Variants in CSMD2 observed in about 807,000 individuals in gnomAD.
CSMD2 encodes the protein CUB and Sushi multiple domains 2.
CSMD2 carries 130 observed loss-of-function variants against 398.5 expected under a neutral mutation model. The observed-to-expected ratio is 0.33, with a 90% CI of 0.28 to 0.38. The LOEUF is 0.38. Among genes scored for constraint, CSMD2 ranks in the 10% least tolerant of loss-of-function variants. CSMD2 has a pLI of 1.00. For synonymous variants in CSMD2, 1,828 were observed against 1,908.5 expected (o/e 0.96, Z 1.10); for missense variants, 3,829 against 4,764.9 (o/e 0.80, Z 5.78).
At chr1:33,867,885 C>G (rs1640154645) in intron 5 of CSMD2, among the ~76,000 whole-genome samples, 1 of 152,194 alleles carries the variant, frequency 6.6e-6, no homozygotes, top group African/African-American at 2.4e-5. Context: ...GGCCCCAGCT[C>G]TCATGCCACC....
chr1:34,159,860 CA>C (rs928374062), intron 1 of CSMD2, among the ~76,000 whole-genome samples: 7 of 152,320 alleles, frequency 4.6e-5, no homozygotes, highest in East Asian at 1.9e-4. Context: ...CCTTTGGCCC[CA>C]GCTTCTATTT....
At chr1:33,908,019 G>A (rs982585462) in intron 5 of CSMD2, among the ~76,000 whole-genome samples, 1 of 150,154 alleles carries the variant, frequency 6.7e-6, no homozygotes, top group Non-Finnish European at 1.5e-5. Context: ...CCTGGGAGGT[G>A]GAGGCTGCAG....
rs1433979186 is a variant in CSMD2, at chr1:33,830,642, C to T, written c.1034-4868G>A. Among the ~76,000 whole-genome samples, 14 of 152,180 alleles carry T rather than the reference C, an allele frequency of 9.2e-5. No individual in the cohort carries two copies. In the East Asian group the frequency reaches 9.6e-4, roughly 10 times the overall value. ...AAGGAACGCAGTTCCTCACCAGCAACGGAACAAAGCTGGATGGAGAATGAC... is the reference window on the plus strand; with the variant it reads ...AAGGAACGCAGTTCCTCACCAGCAATGGAACAAAGCTGGATGGAGAATGAC... On this transcript the variant is annotated intron_variant, in intron 6 of 70. Coordinates refer to ENST00000373381, the MANE Select transcript of CSMD2 (RefSeq NM_001281956.2).
rs77219276 is a variant in CSMD2, at chr1:33,934,524, C to G, written c.712+1236G>C. On this transcript the variant is annotated intron_variant, in intron 4 of 70. Coordinates refer to ENST00000373381, the MANE Select transcript of CSMD2 (RefSeq NM_001281956.2). ...CAGTGTGATGTGATTGATTGTTTTTCAAAGGTGGTTAAAAATTGTCTGCAT... is the reference window on the plus strand; with the variant it reads ...CAGTGTGATGTGATTGATTGTTTTTGAAAGGTGGTTAAAAATTGTCTGCAT... Among the ~76,000 whole-genome samples, 429 of 152,164 alleles carry G rather than the reference C, an allele frequency of 2.8e-3. 5 individuals are homozygous for G. The highest frequency in any genetic ancestry group is 9.8e-3 in the African/African-American group (405 of 41,508).
chr1:33,709,076 C>T lies in CSMD2; in HGVS notation c.3576+13G>A, dbSNP rs760493495. ...TACTATAACACACATACTCTGAAATCGATCAATTTTACCTTGAGGACATCT... is the reference window on the plus strand; with the variant it reads ...TACTATAACACACATACTCTGAAATTGATCAATTTTACCTTGAGGACATCT... On this transcript the variant is annotated intron_variant, in intron 22 of 70. Coordinates refer to ENST00000373381, the MANE Select transcript of CSMD2 (RefSeq NM_001281956.2). 25 of 1,603,252 alleles carry T rather than the reference C, an allele frequency of 1.6e-5. No individual in the cohort carries two copies. The highest frequency in any genetic ancestry group is 2.0e-5 in the Non-Finnish European group (23 of 1,174,484).
intron 55 of CSMD2, among the ~76,000 whole-genome samples, chr1:33,556,146 T>C (rs1432264817): frequency 6.6e-6 from 1 of 152,202 alleles, no homozygotes; most frequent in African/African-American, 2.4e-5. Flanking sequence ...AAAAAGTTAA[T>C]ATGGATAGGG....
chr1:33,911,835 C>G (rs1643461216), intron 5 of CSMD2, among the ~76,000 whole-genome samples: 1 of 152,084 alleles, frequency 6.6e-6, no homozygotes, highest in Non-Finnish European at 1.5e-5. Context: ...ATGCCAGAGC[C>G]CCGGGGTGGG....
At chr1:33,631,827 T>G (rs1388976183) in intron 32 of CSMD2, among the ~76,000 whole-genome samples, 1 of 152,088 alleles carries the variant, frequency 6.6e-6, no homozygotes, top group Non-Finnish European at 1.5e-5. Flanking sequence ...TGTTTTAAAC[T>G]TAACAAAATA....
chr1:33,999,644 A>G (rs1467818330), intron 3 of CSMD2, among the ~76,000 whole-genome samples: 1 of 152,034 alleles, frequency 6.6e-6, no homozygotes, highest in Non-Finnish European at 1.5e-5. Flanking sequence ...CTCTTGCCAC[A>G]GTCATTCAAA....
At chr1:33,934,399 AG>A (rs1221572728) in intron 4 of CSMD2, among the ~76,000 whole-genome samples, 1 of 152,226 alleles carries the variant, frequency 6.6e-6, no homozygotes, top group African/African-American at 2.4e-5. Flanking sequence ...TTGAGGGCAA[AG>A]GCCAGTCTGC....
At chr1:33,664,033 G>A (rs1032466605) in intron 25 of CSMD2, among the ~76,000 whole-genome samples, 3 of 152,098 alleles carry the variant, frequency 2.0e-5, no homozygotes, top group South Asian at 4.1e-4. Flanking sequence ...CTCCACTGAT[G>A]TCTTTTTTTG....
rs141068043 is a variant in CSMD2, at chr1:33,736,088, G to A, written c.2368+3052C>T. Among the ~76,000 whole-genome samples, 1,067 of 152,258 alleles carry A rather than the reference G, an allele frequency of 7.0e-3. 25 individuals carry two copies. Among genetic ancestry groups the A allele is most frequent in the Admixed American group, 0.056 (852 of 15,296 alleles). ...GCCCATCGCTCTGAGAAAACCGAGC[G>A]GGCTCTCCCTGGGGTCAGGGTCTCC... is the stretch of plus-strand genomic sequence containing the variant. On this transcript the variant is annotated intron_variant, in intron 15 of 70. Coordinates refer to ENST00000373381, the MANE Select transcript of CSMD2 (RefSeq NM_001281956.2).
intron 1 of CSMD2, among the ~76,000 whole-genome samples, chr1:34,113,244 A>G (rs1028616104): frequency 2.0e-5 from 3 of 152,168 alleles, no homozygotes; most frequent in African/African-American, 7.2e-5. Context: ...TTATCTCCCC[A>G]TGCCCTCCAA....
At chr1:33,941,143 T>C (rs1235212009) in intron 3 of CSMD2, among the ~76,000 whole-genome samples, 1 of 152,218 alleles carries the variant, frequency 6.6e-6, no homozygotes, top group African/African-American at 2.4e-5. Context: ...AAGCAGTGCC[T>C]GACATTGAAC....
At chr1:33,771,244 C>T (rs1287317127) in intron 13 of CSMD2, among the ~76,000 whole-genome samples, 6 of 152,144 alleles carry the variant, frequency 3.9e-5, no homozygotes, top group Admixed American at 1.3e-4. Context: ...AGCCCTGCCC[C>T]GTGCACCTGT....
chr1:33,866,760 A>C (rs910412992), intron 5 of CSMD2, among the ~76,000 whole-genome samples: 4 of 151,804 alleles, frequency 2.6e-5, no homozygotes, highest in African/African-American at 9.7e-5. Flanking sequence ...CAGCCTGTAC[A>C]CTCATACAAG....
rs1434180841 is a variant in CSMD2, at chr1:33,864,316, C to T, written c.921-17320G>A. ...ACCTATGTTGGCTTTAAAGAGTTCT[C>T]TAGAAAGTGTTCGGAAAAATGGAGA... is the stretch of plus-strand genomic sequence containing the variant. On this transcript the variant is annotated intron_variant, in intron 5 of 70. Transcript: ENST00000373381. 6.2e-7 allele frequency: 1 copy of T among 1,613,844 alleles called. No individual in the cohort carries two copies. The highest frequency in any genetic ancestry group is 8.5e-7 in the Non-Finnish European group (1 of 1,179,850).
chr1:33,665,875 T>G (rs2149010497), intron 25 of CSMD2, among the ~76,000 whole-genome samples: 1 of 152,322 alleles, frequency 6.6e-6, no homozygotes, highest in Middle Eastern at 3.4e-3. Flanking sequence ...CTATCTTTAG[T>G]GTACCTATTT....
intron 12 of CSMD2, among the ~76,000 whole-genome samples, chr1:33,787,962 G>A (rs1194468377): frequency 6.6e-6 from 1 of 151,988 alleles, no homozygotes; most frequent in African/African-American, 2.4e-5. Flanking sequence ...AACCCAATAG[G>A]GTATCTTGGG....
Sources: gnomAD v4.1 joint callset for allele counts (sites outside exome capture counted in the v4.1 genomes callset) on GRCh38, gnomAD v4.1.1 for gene constraint, MANE v1.5 for transcripts, NCBI Gene and HGNC (gene_info 2026-07-23, HGNC 2026-07-21) for gene names.